The following TNRC6C variants were observed in gnomAD, a reference collection of about 807,000 sequenced individuals.
The protein encoded by TNRC6C is trinucleotide repeat containing adaptor 6C, also known as trinucleotide repeat-containing gene 6C protein.
A neutral mutation model predicts 153.7 loss-of-function variants in TNRC6C; 20 were observed. The ratio of observed to expected loss-of-function variants is 0.13; its 90% CI spans 0.09 to 0.19. The LOEUF is 0.19. TNRC6C is among the 10% of genes least tolerant of loss of function. The probability of loss-of-function intolerance (pLI) is 1.00; values close to 1 mark genes in which losing one functional copy is unlikely to be tolerated. For synonymous variants in TNRC6C, 811 were observed against 841.4 expected (o/e 0.96, Z 0.63); for missense variants, 1,987 against 2,172.0 (o/e 0.91, Z 1.69).
intron 1 of TNRC6C, among the ~76,000 whole-genome samples, chr17:77,990,961 C>CTA (rs1175016575): frequency 6.6e-6 from 1 of 152,024 alleles, no homozygotes; most frequent in Non-Finnish European, 1.5e-5. Context: ...AGTCAATGGC[C>CTA]TATATATCAT....
intron 3 of TNRC6C, among the ~76,000 whole-genome samples, chr17:78,060,671 TCCACCTCAAGTGAG>T (rs1232115434): frequency 5.3e-5 from 8 of 151,916 alleles, no homozygotes; most frequent in Non-Finnish European, 1.0e-4. Context: ...CCTCAAGTGA[TCCACCTCAAGTGAG>T]CCACCATGCC....
At chr17:78,015,413 ATT>A (rs111254475) in intron 1 of TNRC6C, among the ~76,000 whole-genome samples, 6,331 of 152,242 alleles carry the variant, frequency 0.042, 408 homozygotes, top group African/African-American at 0.14. Flanking sequence ...CCCAGTTAGC[ATT>A]TTTACCTATA....
intron 2 of TNRC6C, among the ~76,000 whole-genome samples, chr17:78,041,767 T>C (rs1487422387): frequency 1.3e-5 from 2 of 152,222 alleles, no homozygotes; most frequent in African/African-American, 4.8e-5. Flanking sequence ...CAGCGAAGGA[T>C]TTGTGGTATC....
chr17:78,049,972 G>C lies in TNRC6C; in HGVS notation c.910G>C (p.Ala304Pro). The change falls in exon 3 of 20, where the codon GCT becomes CCT. Residue 304 changes from alanine to proline, a missense_variant. Physicochemically the swap from Ala to Pro is conservative, Grantham distance 27 (BLOSUM62 -1). Transcript: ENST00000301624. This position sits in a 1 kb window ranked among gnomAD's most constrained non-coding sequence, Gnocchi z 4.1. ...AAATGCTTGGGATTCAGGACCTCCT[G>C]CTGGTCCTGGAATACTCGCCTGGGG... 1 of 1,614,050 alleles carries C rather than the reference G, an allele frequency of 6.2e-7. No individual in the cohort carries two copies. The highest frequency in any genetic ancestry group is 1.3e-5 in the African/African-American group (1 of 75,056).
At chr17:78,016,626 C>T (rs770703781) in intron 1 of TNRC6C, among the ~76,000 whole-genome samples, 2 of 152,140 alleles carry the variant, frequency 1.3e-5, no homozygotes, top group African/African-American at 2.4e-5. Flanking sequence ...TTCCTGAGTA[C>T]AGCTGTCATT....
At chr17:78,016,731 C>T (rs902361449) in intron 1 of TNRC6C, among the ~76,000 whole-genome samples, 2 of 152,150 alleles carry the variant, frequency 1.3e-5, no homozygotes, top group Non-Finnish European at 2.9e-5. Flanking sequence ...ACTTCTGTGG[C>T]TTCCATTGCT....
intron 1 of TNRC6C, among the ~76,000 whole-genome samples, chr17:78,007,923 G>C (rs1946322670): frequency 6.6e-6 from 1 of 152,080 alleles, no homozygotes; most frequent in Non-Finnish European, 1.5e-5. Flanking sequence ...CATTATATTT[G>C]ACTTAATTTT....
At chr17:78,024,668 T>C (rs1161247965) in intron 1 of TNRC6C, among the ~76,000 whole-genome samples, 1 of 149,412 alleles carries the variant, frequency 6.7e-6, no homozygotes, top group Admixed American at 6.7e-5. Flanking sequence ...CCTGGCCTAT[T>C]TAGAGCAGTT....
At position 77,992,463 on chromosome 17, in the gene TNRC6C, A is replaced by C. The variant is rs561524185; in HGVS notation, c.-37-11707A>C. ...CAGTGAGTCGAGATCGCGCCACTGC[A>C]CTCCAGCCTGGGCGACAGAGCGAGA... On this transcript the variant is annotated intron_variant, in intron 1 of 22. Coordinates refer to the TNRC6C transcript ENST00000636222. Among the ~76,000 whole-genome samples, 132 of 48,066 alleles carry C rather than the reference A, an allele frequency of 2.7e-3. 29 individuals carry two copies. Among genetic ancestry groups the C allele is most frequent in the Non-Finnish European group, 3.6e-3 (106 of 29,218 alleles). 31.5% of individuals were successfully genotyped at this position (48,066 alleles called of 152,430 possible).
At position 78,064,658 on chromosome 17, in the gene TNRC6C, T is replaced by C; in HGVS notation, c.2396-64T>C. On this transcript the variant is annotated intron_variant, in intron 3 of 19. Transcript: ENST00000301624. ...AATTATTTTGAAATTGAAAACTGAA[T>C]TATATTTTTGCTTTTCTCTGATGCA... 7.5e-6 allele frequency: 11 copies of C among 1,466,074 alleles called. No homozygotes were observed. The South Asian group carries it at 1.2e-4, about 16-fold the overall frequency. The allele number at this position is 1,466,074 out of a possible 1,614,324, so 90.8% of individuals were successfully genotyped here.
chr17:78,092,905 G>A (rs779315476), intron 14 of TNRC6C, 28 bp from the exon 17 acceptor site: 82 of 1,607,152 alleles, frequency 5.1e-5, no homozygotes, highest in East Asian at 2.0e-4. Context: ...GTATTCACTC[G>A]CTTCTTTGTT....
Position 78,102,551 on chromosome 17 carries a change from T to C in TNRC6C, c.4572+7T>C. On this transcript the variant is annotated splice_region_variant and intron_variant, in intron 18 of 19. Transcript: ENST00000301624. ...TCGAAACCTCACTCCCCAGGTGCAATATGGTGCCCCTGCATCACTGAGCAT... is the reference window on the plus strand; with the variant it reads ...TCGAAACCTCACTCCCCAGGTGCAACATGGTGCCCCTGCATCACTGAGCAT... The C allele has an allele frequency of 1.3e-6, 2 of 1,596,394 alleles. No individual in the cohort carries two copies. Among genetic ancestry groups the C allele is most frequent in the Non-Finnish European group, 1.7e-6 (2 of 1,171,426 alleles).
chr17:78,024,710 T>C (rs1035581341), intron 1 of TNRC6C, among the ~76,000 whole-genome samples: 1 of 151,870 alleles, frequency 6.6e-6, no homozygotes, highest in African/African-American at 2.4e-5. Flanking sequence ...GCTGAAAGTA[T>C]AAAGTTCCCA....
intron 1 of TNRC6C, among the ~76,000 whole-genome samples, chr17:77,979,834 A>G (rs1342380167): frequency 1.3e-5 from 2 of 152,244 alleles, no homozygotes; most frequent in African/African-American, 4.8e-5. Flanking sequence ...GGAAAAAGAT[A>G]CATTACCTTC....
chr17:78,065,043 C>CTT, intron 4 of TNRC6C, 106 bp downstream of exon 6: 1 of 1,294,404 alleles, frequency 7.7e-7, no homozygotes, highest in Non-Finnish European at 1.1e-6. Context: ...TATATTTACA[C>CTT]TTTAACTACA....
At position 77,989,588 on chromosome 17, in the gene TNRC6C, T is replaced by A. The variant is rs182248881; in HGVS notation, c.-37-14582T>A. On this transcript the variant is annotated intron_variant, in intron 1 of 22. Coordinates refer to the TNRC6C transcript ENST00000636222. ...TTCATAGTACTTAGGAAATTACTTA[T>A]GAAAAACTGAAATTACTTTGTTTAT... Among the ~76,000 whole-genome samples, 17 of 152,366 alleles carry A rather than the reference T, an allele frequency of 1.1e-4. No individual in the cohort carries two copies. The South Asian group carries it at 3.1e-3, about 28-fold the overall frequency.
intron 2 of TNRC6C, among the ~76,000 whole-genome samples, chr17:78,034,149 G>A (rs1026101976): frequency 7.9e-5 from 12 of 152,210 alleles, no homozygotes; most frequent in Admixed American, 2.0e-4. Flanking sequence ...TGCCTCCCAG[G>A]TTCAAGTGAT....
chr17:78,097,275 A>G (rs1213144317), intron 16 of TNRC6C, among the ~76,000 whole-genome samples: 1 of 148,864 alleles, frequency 6.7e-6, no homozygotes, highest in African/African-American at 2.4e-5. Context: ...CTGATGGGAC[A>G]CCCCAGTCAG....
At position 78,094,886 on chromosome 17, in the gene TNRC6C, G is replaced by A. The variant is rs146997027; in HGVS notation, c.4306+1123G>A. Among the ~76,000 whole-genome samples, 381 of 152,274 alleles carry A rather than the reference G, an allele frequency of 2.5e-3. 1 individual carries two copies. Among genetic ancestry groups the A allele is most frequent in the Non-Finnish European group, 4.5e-3 (309 of 68,018 alleles). On this transcript the variant is annotated intron_variant, in intron 16 of 19. Transcript: ENST00000301624. ...GCTTTTTGGATGCAGCTGCGTTTCG[G>A]AACAGGGATGTTACGGGTGTCCCTG...
Sources: gnomAD v4.1 joint callset for allele counts (sites outside exome capture counted in the v4.1 genomes callset) on GRCh38, gnomAD v4.1.1 for gene constraint, Gnocchi (gnomAD v3.1) non-coding constraint, MANE v1.5 for transcripts, NCBI Gene and HGNC (gene_info 2026-07-23, HGNC 2026-07-21) for gene names.